Variants in VTI1A observed in about 807,000 individuals in gnomAD.
The protein encoded by VTI1A is vesicle transport through interaction with t-SNAREs 1A.
Under a neutral mutation model 34.9 loss-of-function variants are expected in VTI1A, and 22 were observed. That is an observed-to-expected ratio of 0.63 (90% confidence interval 0.45 to 0.90). VTI1A has a LOEUF of 0.90. VTI1A is among the 40% of genes least tolerant of loss of function. The pLI, the probability that VTI1A is intolerant of heterozygous loss-of-function variation, is 0.00. For missense variants in VTI1A, 268 were observed against 275.6 expected (o/e 0.97, Z 0.20); for synonymous variants, 87 against 97.3 (o/e 0.89, Z 0.62).
chr10:112,852,343 G>T, the VTI1A span, among the ~76,000 whole-genome samples: 1 of 152,012 alleles, frequency 6.6e-6, no homozygotes, highest in South Asian at 2.1e-4. Flanking sequence ...ATTTTCCCAC[G>T]TTGAGAAAGC....
At chr10:112,454,609 AAAAG>A (rs1564782690) in intron 1 of VTI1A, among the ~76,000 whole-genome samples, 4 of 152,108 alleles carry the variant, frequency 2.6e-5, no homozygotes, top group African/African-American at 9.7e-5. Context: ...CTCTAAATGA[AAAAG>A]AAAACTAATT....
chr10:112,639,879 A>G (rs915560180), intron 5 of VTI1A, among the ~76,000 whole-genome samples: 1 of 152,232 alleles, frequency 6.6e-6, no homozygotes, highest in Non-Finnish European at 1.5e-5. Context: ...TGCTTTGAAG[A>G]CTAAAAAATA....
chr10:112,661,961 A>G (rs1847478173), intron 5 of VTI1A, among the ~76,000 whole-genome samples: 1 of 151,766 alleles, frequency 6.6e-6, no homozygotes, highest in African/African-American at 2.4e-5. Flanking sequence ...TAGTAGATAC[A>G]GTGTTTCGCC....
At chr10:112,538,508 G>A (rs1850738510) in intron 5 of VTI1A, 178 bp downstream of exon 5, 1 of 579,104 alleles carries the variant, frequency 1.7e-6, no homozygotes, top group South Asian at 2.3e-5. Context: ...TAAAAGGCAT[G>A]ACATCTACTG....
intron 5 of VTI1A, among the ~76,000 whole-genome samples, chr10:112,608,907 A>G (rs1041522278): frequency 1.3e-5 from 2 of 152,144 alleles, no homozygotes; most frequent in Non-Finnish European, 2.9e-5. Context: ...CTTAATTAGC[A>G]TGTGTCTGTT....
At chr10:112,540,180 A>G (rs1407140057) in intron 5 of VTI1A, among the ~76,000 whole-genome samples, 1 of 152,208 alleles carries the variant, frequency 6.6e-6, no homozygotes, top group Non-Finnish European at 1.5e-5. Context: ...CAAAGCTGAA[A>G]GAAGATCGCA....
intron 7 of VTI1A, among the ~76,000 whole-genome samples, chr10:112,740,113 A>T (rs1348594411): frequency 6.6e-6 from 1 of 152,178 alleles, no homozygotes; most frequent in Non-Finnish European, 1.5e-5. Flanking sequence ...TAGATTAAAG[A>T]TAAGACCTCA....
chr10:112,699,773 A>T (rs1360440862), intron 7 of VTI1A, among the ~76,000 whole-genome samples: 2 of 151,318 alleles, frequency 1.3e-5, no homozygotes, highest in Non-Finnish European at 2.9e-5. Flanking sequence ...GGTTGCAGTA[A>T]GCTGAGATCG....
At chr10:112,731,392 G>A (rs557080876) in intron 7 of VTI1A, among the ~76,000 whole-genome samples, 1 of 152,174 alleles carries the variant, frequency 6.6e-6, no homozygotes, top group South Asian at 2.1e-4. Flanking sequence ...GCCCAACATG[G>A]CGAAACCCCA....
chr10:112,729,885 A>C (rs1195885401), intron 7 of VTI1A, among the ~76,000 whole-genome samples: 1 of 152,218 alleles, frequency 6.6e-6, no homozygotes, highest in Non-Finnish European at 1.5e-5. Context: ...TCTTGTGATC[A>C]GGAGAGTTCT....
intron 5 of VTI1A, among the ~76,000 whole-genome samples, chr10:112,624,110 A>G (rs1294110399): frequency 1.3e-5 from 2 of 152,216 alleles, no homozygotes; most frequent in African/African-American, 4.8e-5. Context: ...GCATTTACCC[A>G]TATTTATAAT....
chr10:112,782,492 G>T (rs985192351), intron 7 of VTI1A, among the ~76,000 whole-genome samples: 1 of 152,242 alleles, frequency 6.6e-6, no homozygotes, highest in South Asian at 2.1e-4. Context: ...ATCTGTATCC[G>T]ATCTTTCCCG....
chr10:112,622,711 A>G (rs530028983), intron 5 of VTI1A, among the ~76,000 whole-genome samples: 1 of 152,326 alleles, frequency 6.6e-6, no homozygotes, highest in Admixed American at 6.5e-5. Context: ...CTTCTTTCAA[A>G]CATCTTGAAA....
chr10:112,570,381 A>G (rs995242327), intron 5 of VTI1A, among the ~76,000 whole-genome samples: 1 of 152,230 alleles, frequency 6.6e-6, no homozygotes, highest in African/African-American at 2.4e-5. Context: ...TGAAAGAAAG[A>G]AAAGAAAACC....
intron 5 of VTI1A, among the ~76,000 whole-genome samples, chr10:112,542,799 A>G (rs1027200851): frequency 6.6e-6 from 1 of 152,030 alleles, no homozygotes; most frequent in Non-Finnish European, 1.5e-5. Flanking sequence ...TTACAAACCT[A>G]GGATTCTCCT....
At chr10:112,725,761 C>T (rs1849999022) in intron 7 of VTI1A, among the ~76,000 whole-genome samples, 1 of 152,182 alleles carries the variant, frequency 6.6e-6, no homozygotes, top group South Asian at 2.1e-4. Flanking sequence ...TTGAATGGCA[C>T]CAGCAACCTG....
At chr10:112,710,182 T>A (rs1163086056) in intron 7 of VTI1A, among the ~76,000 whole-genome samples, 2 of 148,320 alleles carry the variant, frequency 1.3e-5, no homozygotes, top group Non-Finnish European at 3.0e-5. Flanking sequence ...CTGATTTGAA[T>A]CCATTTGTTG....
downstream of VTI1A, among the ~76,000 whole-genome samples, chr10:112,819,853 C>A (rs529819014): frequency 6.6e-6 from 1 of 152,166 alleles, no homozygotes; most frequent in African/African-American, 2.4e-5. Flanking sequence ...CTCAGAGGCC[C>A]GGTTCATTGA....
the VTI1A span, among the ~76,000 whole-genome samples, chr10:112,846,594 GTC>G: frequency 2.6e-5 from 4 of 151,968 alleles, no homozygotes; most frequent in Non-Finnish European, 5.9e-5. Flanking sequence ...GTGAAACCCC[GTC>G]TCTACTAAAA....
Sources: gnomAD v4.1 joint callset for allele counts (sites outside exome capture counted in the v4.1 genomes callset) on GRCh38, gnomAD v4.1.1 for gene constraint, MANE v1.5 for transcripts, NCBI Gene and HGNC (gene_info 2026-07-23, HGNC 2026-07-21) for gene names.